The following TEX9 variants were observed in gnomAD, a reference collection of about 807,000 sequenced individuals.
The protein encoded by TEX9 is testis-expressed protein 9.
A neutral mutation model predicts 59.6 loss-of-function variants in TEX9; 74 were observed. That is an observed-to-expected ratio of 1.24 (90% CI 1.03 to 1.51). The LOEUF (loss-of-function observed/expected upper bound fraction) is 1.51, where lower values mean the gene tolerates loss of function less well. Among genes scored for constraint, TEX9 ranks in the 40% most tolerant of loss-of-function variants. The pLI, the probability that TEX9 is intolerant of heterozygous loss-of-function variation, is 0.00. For missense variants in TEX9, 522 were observed against 447.8 expected, an observed-to-expected ratio of 1.17 and a Z score of -1.49; for synonymous variants, 186 against 152.2, an observed-to-expected ratio of 1.22 and a Z score of -1.64.
intron 2 of TEX9, among the ~76,000 whole-genome samples, chr15:56,366,087 C>A (rs1298052866): frequency 6.6e-6 from 1 of 152,164 alleles, no homozygotes; most frequent in Non-Finnish European, 1.5e-5. Context: ...AAGGATGCTT[C>A]CCACTGCAAT....
chr15:56,456,389 G>T, the TEX9 span: 19 of 1,599,956 alleles, frequency 1.2e-5, no homozygotes, highest in Non-Finnish European at 1.5e-5. Flanking sequence ...GAGAAACCAA[G>T]ATACCTGTTT....
intron 1 of TEX9, among the ~76,000 whole-genome samples, chr15:56,342,334 C>A (rs554666267): frequency 1.3e-5 from 2 of 152,138 alleles, no homozygotes; most frequent in Admixed American, 6.6e-5. Flanking sequence ...GAAAAGGACA[C>A]ACAGCCACAT....
chr15:56,360,388 A>G (rs2046768170), intron 1 of TEX9, among the ~76,000 whole-genome samples: 1 of 152,138 alleles, frequency 6.6e-6, no homozygotes, highest in African/African-American at 2.4e-5. Flanking sequence ...TATTGACTCA[A>G]TGTCCTTGCC....
At chr15:56,263,984 CT>C (rs1356788057) in intron 1 of TEX9, among the ~76,000 whole-genome samples, 1 of 152,146 alleles carries the variant, frequency 6.6e-6, no homozygotes, top group African/African-American at 2.4e-5. Flanking sequence ...TTTTTGGCAA[CT>C]ATGAATAATA....
At chr15:56,331,900 C>CA (rs1446106392) in intron 1 of TEX9, among the ~76,000 whole-genome samples, 4 of 141,048 alleles carry the variant, frequency 2.8e-5, no homozygotes, top group Non-Finnish European at 6.1e-5. Context: ...CAGAGAAATG[C>CA]AAATCAAAAC....
intron 1 of TEX9, among the ~76,000 whole-genome samples, chr15:56,354,465 C>T (rs1306111795): frequency 1.3e-5 from 2 of 151,996 alleles, no homozygotes; most frequent in Non-Finnish European, 2.9e-5. Flanking sequence ...GAAAGACATA[C>T]CAGGAAAATC....
intron 1 of TEX9, among the ~76,000 whole-genome samples, chr15:56,319,155 T>A (rs954827791): frequency 2.0e-5 from 3 of 152,088 alleles, no homozygotes; most frequent in Admixed American, 1.3e-4. Context: ...ATTATCACTA[T>A]AAATTTGAGA....
At chr15:56,431,811 T>G (rs1475661454) in intron 12 of TEX9, among the ~76,000 whole-genome samples, 1 of 152,030 alleles carries the variant, frequency 6.6e-6, no homozygotes, top group African/African-American at 2.4e-5. Context: ...ATTTACTGAA[T>G]GCTTACCATA....
chr15:56,308,772 C>T (rs1035144840), intron 1 of TEX9, among the ~76,000 whole-genome samples: 18 of 152,110 alleles, frequency 1.2e-4, no homozygotes, highest in Non-Finnish European at 2.2e-4. Flanking sequence ...TGTATAAGGG[C>T]ATCCAGTTGC....
intron 1 of TEX9, among the ~76,000 whole-genome samples, chr15:56,294,675 C>T (rs2045176305): frequency 1.3e-5 from 2 of 152,136 alleles, no homozygotes; most frequent in South Asian, 4.1e-4. Context: ...CATTCCTTGG[C>T]TTTTCCTGTG....
At chr15:56,380,181 GTA>G (rs763265094) in intron 3 of TEX9, among the ~76,000 whole-genome samples, 10 of 152,008 alleles carry the variant, frequency 6.6e-5, no homozygotes, top group African/African-American at 9.7e-5. Flanking sequence ...TGTGGTCATT[GTA>G]TGTTTTTTGG....
chr15:56,330,828 A>G (rs1309946569), intron 1 of TEX9, among the ~76,000 whole-genome samples: 2 of 152,140 alleles, frequency 1.3e-5, no homozygotes, highest in Non-Finnish European at 2.9e-5. Context: ...TTGAATGTAA[A>G]TGGACTAAAC....
At chr15:56,319,367 CAACAA>C (rs67818527) in intron 1 of TEX9, among the ~76,000 whole-genome samples, 69,500 of 150,140 alleles carry the variant, frequency 0.46, 18,516 homozygotes, top group Non-Finnish European at 0.6. Flanking sequence ...CCAACTGTGT[CAACAA>C]AACAAGACAT....
intron 1 of TEX9, among the ~76,000 whole-genome samples, chr15:56,342,173 T>C (rs1425812051): frequency 4.6e-5 from 7 of 152,222 alleles, no homozygotes; most frequent in Non-Finnish European, 2.9e-5. Context: ...ACTTCTCTTG[T>C]GGTCCCATAA....
At chr15:56,390,700 C>G (rs1431252918) in intron 6 of TEX9, among the ~76,000 whole-genome samples, 1 of 151,794 alleles carries the variant, frequency 6.6e-6, no homozygotes, top group Non-Finnish European at 1.5e-5. Context: ...GAATGTGTTT[C>G]TTTGGGTGGA....
At chr15:56,394,971 A>T (rs1679432780) in intron 9 of TEX9, 137 bp downstream of exon 9, 2 of 837,774 alleles carry the variant, frequency 2.4e-6, no homozygotes, top group African/African-American at 1.7e-5. Context: ...CCTTACATAG[A>T]ATATTTTTAA....
intron 1 of TEX9, among the ~76,000 whole-genome samples, chr15:56,280,392 T>C (rs2044786534): frequency 6.6e-6 from 1 of 152,118 alleles, no homozygotes; most frequent in South Asian, 2.1e-4. Flanking sequence ...CCTTGAAAAA[T>C]ATGTACATTA....
chr15:56,311,523 T>C (rs2045616399), intron 1 of TEX9, among the ~76,000 whole-genome samples: 1 of 120,568 alleles, frequency 8.3e-6, no homozygotes, highest in Non-Finnish European at 1.7e-5. Flanking sequence ...TGTGCCACAT[T>C]TTCTTAATCC....
At chr15:56,445,970 C>T (rs966431076), downstream of TEX9, 4 of 152,092 alleles carry the variant, frequency 2.6e-5, no homozygotes, top group Non-Finnish European at 5.9e-5. Context: ...TCACCTGCCA[C>T]ACCTAAAGGT....
Sources: gnomAD v4.1 joint callset for allele counts (sites outside exome capture counted in the v4.1 genomes callset) on GRCh38, gnomAD v4.1.1 for gene constraint, MANE v1.5 for transcripts, NCBI Gene and HGNC (gene_info 2026-07-23, HGNC 2026-07-21) for gene names.